The following EPHA4 variants were observed in gnomAD, a reference collection of about 807,000 sequenced individuals.
The protein encoded by EPHA4 is ephrin type-A receptor 4.
EPHA4 carries 19 observed loss-of-function variants against 108.3 expected under a neutral mutation model. The observed-to-expected ratio is 0.18, with a 90% confidence interval of 0.12 to 0.26. EPHA4 has a LOEUF of 0.26. EPHA4 is among the 10% of genes least tolerant of loss of function. The pLI is 1.00. For missense variants in EPHA4, 917 were observed against 1,254.0 expected (o/e 0.73, Z 4.06); for synonymous variants, 449 against 455.5 (o/e 0.99, Z 0.18).
intron 5 of EPHA4, among the ~76,000 whole-genome samples, chr2:221,472,771 C>T (rs1691529496): frequency 6.6e-6 from 1 of 152,100 alleles, no homozygotes; most frequent in South Asian, 2.1e-4. Flanking sequence ...TTTCGTGTCT[C>T]TATAATTTTA....
chr2:221,572,487 C>T, upstream of EPHA4: 2 of 297,434 alleles, frequency 6.7e-6, no homozygotes, highest in Non-Finnish European at 1.2e-5. Context: ...CGCGCGGTCT[C>T]CCGGGGCTCT....
chr2:221,532,132 T>A (rs1167589608), intron 3 of EPHA4, among the ~76,000 whole-genome samples: 1 of 152,008 alleles, frequency 6.6e-6, no homozygotes, highest in African/African-American at 2.4e-5. Context: ...TATTCTTTTT[T>A]TTTTTTTTGA....
chr2:221,500,929 T>C lies in EPHA4; in HGVS notation c.979+88A>G, dbSNP rs1010766569. On this transcript the variant is annotated intron_variant, in intron 4 of 17. Transcript: ENST00000281821. Reference sequence around the variant, plus strand: ...TGATCTCAAGTGCCCCCTGAATGATTATCCCAGGAGAAGACCTGGCAGTGC... The same window carrying C: ...TGATCTCAAGTGCCCCCTGAATGATCATCCCAGGAGAAGACCTGGCAGTGC... 4.4e-6 allele frequency: 6 copies of C among 1,366,354 alleles called. No homozygotes were observed. The Admixed American group carries it at 1.5e-4, about 34-fold the overall frequency. The allele number at this position is 1,366,354 out of a possible 1,614,324, so 84.6% of individuals were successfully genotyped here.
intron 4 of EPHA4, among the ~76,000 whole-genome samples, chr2:221,485,774 G>A (rs1163626894): frequency 1.3e-5 from 2 of 152,198 alleles, no homozygotes; most frequent in Middle Eastern, 6.8e-3. Flanking sequence ...TTTAGGAGGA[G>A]GAGAATAAAA....
At chr2:221,529,745 G>A (rs1230533465) in intron 3 of EPHA4, among the ~76,000 whole-genome samples, 1 of 152,200 alleles carries the variant, frequency 6.6e-6, no homozygotes, top group Admixed American at 6.5e-5. Flanking sequence ...TGACAATGGA[G>A]TATGAAGCAC....
intron 17 of EPHA4, among the ~76,000 whole-genome samples, chr2:221,422,700 G>T (rs1407915155): frequency 6.6e-6 from 1 of 152,158 alleles, no homozygotes; most frequent in African/African-American, 2.4e-5. Context: ...ACCAGACAAA[G>T]CATGTGGTCT....
At position 221,501,299 on chromosome 2, in the gene EPHA4, C is replaced by T. The variant is rs1048421945; in HGVS notation, c.824-127G>A. ...TTGCTAATCATTAGCGATCATGTGG[C>T]TTGAAATGCAGGTCATGCAACCAAA... is the stretch of plus-strand genomic sequence containing the variant. On this transcript the variant is annotated intron_variant, in intron 3 of 17. Transcript: ENST00000281821. The T allele has an allele frequency of 5.0e-6, 4 of 806,328 alleles. No individual in the cohort carries two copies. In the African/African-American group the frequency reaches 5.3e-5, roughly 11 times the overall value. 49.9% of individuals were successfully genotyped at this position (806,328 alleles called of 1,614,324 possible).
chr2:221,561,835 G>C (rs1334766510), intron 3 of EPHA4, among the ~76,000 whole-genome samples: 1 of 152,168 alleles, frequency 6.6e-6, no homozygotes, highest in Non-Finnish European at 1.5e-5. Context: ...CTAATGCTGA[G>C]AGTGAACATT....
intron 3 of EPHA4, among the ~76,000 whole-genome samples, chr2:221,563,047 A>G (rs1190630091): frequency 6.6e-6 from 1 of 152,252 alleles, no homozygotes; most frequent in African/African-American, 2.4e-5. Flanking sequence ...TTCTGACCAC[A>G]GATCAAATAA....
At chr2:221,508,079 C>T (rs960919388) in intron 3 of EPHA4, among the ~76,000 whole-genome samples, 1 of 152,120 alleles carries the variant, frequency 6.6e-6, no homozygotes, top group African/African-American at 2.4e-5. Flanking sequence ...CATTGCTGGT[C>T]CAGGGACATG....
intron 5 of EPHA4, among the ~76,000 whole-genome samples, chr2:221,477,648 G>T (rs1472827379): frequency 3.9e-5 from 6 of 152,188 alleles, no homozygotes; most frequent in Non-Finnish European, 8.8e-5. Context: ...CAAGGAATTA[G>T]AGAGAAGGAG....
chr2:221,522,756 TTATTATTATTATTATTA>T (rs869133450), intron 3 of EPHA4, among the ~76,000 whole-genome samples: 43 of 142,276 alleles, frequency 3.0e-4, no homozygotes, highest in African/African-American at 4.1e-4. Context: ...ATTATTATTA[TTATTATTATTATTATTA>T]TTTTTTTGAG....
intron 4 of EPHA4, among the ~76,000 whole-genome samples, chr2:221,496,817 G>T (rs1041249571): frequency 2.6e-5 from 4 of 152,230 alleles, no homozygotes; most frequent in Non-Finnish European, 5.9e-5. Flanking sequence ...GCTGAGGCAG[G>T]AGAATCACTT....
Position 221,425,455 on chromosome 2 carries a change from A to G in EPHA4, c.*573T>C, listed in dbSNP as rs1361443317. On this transcript the variant is annotated 3_prime_UTR_variant, in exon 17 of 18. Transcript: ENST00000281821. ...CCTTTCTTTCCAGGCCCCCTGTGTC[A>G]TAGGAATCCACCAGGCGGCTTGAGC... is the stretch of plus-strand genomic sequence containing the variant. The G allele has an allele frequency of 6.5e-6, 1 of 152,850 alleles. No individual in the cohort carries two copies. The highest frequency in any genetic ancestry group is 1.5e-5 in the Non-Finnish European group (1 of 68,336). 9.5% of individuals were successfully genotyped at this position (152,850 alleles called of 1,614,324 possible).
At position 221,425,971 on chromosome 2, in the gene EPHA4, A is replaced by T; in HGVS notation, c.*57T>A. On this transcript the variant is annotated 3_prime_UTR_variant, in exon 17 of 18. Transcript: ENST00000281821. ...GTAAAAAAAGTGCAGTTCTTCAATT[A>T]AAGTGCATGGATGAGGTAAACTAAT... The T allele has an allele frequency of 7.1e-7, 1 of 1,416,812 alleles. No individual in the cohort carries two copies. The highest frequency in any genetic ancestry group is 9.9e-7 in the Non-Finnish European group (1 of 1,005,604). The allele number at this position is 1,416,812 out of a possible 1,614,324, so 87.8% of individuals were successfully genotyped here. A position where few individuals can be genotyped will look rare whatever the true frequency, so the allele number is the denominator to read the frequency against.
intron 3 of EPHA4, among the ~76,000 whole-genome samples, chr2:221,549,663 A>T (rs1388312978): frequency 7.9e-6 from 1 of 127,246 alleles, no homozygotes; most frequent in Non-Finnish European, 1.8e-5. Flanking sequence ...CATTACCTTT[A>T]ATTCGCATGT....
intron 3 of EPHA4, among the ~76,000 whole-genome samples, chr2:221,537,560 T>G (rs1472160276): frequency 6.6e-6 from 1 of 152,026 alleles, no homozygotes; most frequent in Non-Finnish European, 1.5e-5. Flanking sequence ...GCCAAGGAGG[T>G]GAACAGTGCT....
At chr2:221,543,393 A>T (rs950995657) in intron 3 of EPHA4, among the ~76,000 whole-genome samples, 1 of 152,318 alleles carries the variant, frequency 6.6e-6, no homozygotes, top group East Asian at 1.9e-4. Flanking sequence ...TACATCAAAG[A>T]AAGTCTGGAA....
intron 14 of EPHA4, among the ~76,000 whole-genome samples, 170 bp downstream of exon 14, chr2:221,433,972 A>AATGT: frequency 6.6e-6 from 1 of 152,204 alleles, no homozygotes; most frequent in South Asian, 2.1e-4. Flanking sequence ...CTTGTCCTTG[A>AATGT]AATCAATAGT....
Sources: allele counts gnomAD v4.1 joint callset (sites outside exome capture counted in the v4.1 genomes callset), GRCh38; gene constraint gnomAD v4.1.1; transcripts MANE v1.5; gene names NCBI Gene and HGNC (gene_info 2026-07-23, HGNC 2026-07-21).